HECW2: variants seen among roughly 807,000 people sequenced by gnomAD.
HECW2 encodes the protein HECT, C2 and WW domain containing E3 ubiquitin protein ligase 2.
A neutral mutation model predicts 175.2 loss-of-function variants in HECW2; 61 were observed. The ratio of observed to expected loss-of-function variants is 0.35; its 90% CI spans 0.28 to 0.43. The LOEUF (loss-of-function observed/expected upper bound fraction) is 0.43, where lower values mean the gene tolerates loss of function less well. Ranked by LOEUF, HECW2 falls within the 20% of genes least tolerant of loss-of-function variation. HECW2 has a pLI of 1.00. For missense variants in HECW2, 1,524 were observed against 2,000.5 expected (o/e 0.76, Z 4.54); for synonymous variants, 671 against 731.0 (o/e 0.92, Z 1.32).
At position 196,384,016 on chromosome 2, in the gene HECW2, G is replaced by C. The variant is rs552626207; in HGVS notation, c.293-40252C>G. ...AACAGGTTACTGAGGGTTAGATGAG[G>C]TGAGCAACTAGCTTAGTGCCTGCTC... On this transcript the variant is annotated intron_variant, in intron 2 of 28. Coordinates refer to ENST00000644978, the MANE Select transcript of HECW2 (RefSeq NM_001348768.2). Among the ~76,000 whole-genome samples the C allele has an allele frequency of 5.9e-4, 90 of 152,288 alleles. 2 individuals are homozygous for C. In the South Asian group the frequency reaches 0.018, roughly 31 times the overall value.
intron 2 of HECW2, among the ~76,000 whole-genome samples, chr2:196,404,314 T>C (rs1240624630): frequency 6.6e-6 from 1 of 152,206 alleles, no homozygotes; most frequent in Admixed American, 6.5e-5. Flanking sequence ...GCATTAGTCA[T>C]GCCTCTCTCT....
intron 21 of HECW2, chr2:196,240,138 G>GT (rs921118228): frequency 5.6e-5 from 11 of 197,188 alleles, no homozygotes; most frequent in East Asian, 5.0e-4. Context: ...GCAATTCCTT[G>GT]TTTTTTTTCC....
chr2:196,240,666 T>TAAGAAG (rs1559457587), intron 20 of HECW2, 104 bp from the exon 21 acceptor site: 3 of 1,117,864 alleles, frequency 2.7e-6, no homozygotes, highest in Non-Finnish European at 3.6e-6. Flanking sequence ...ATTAACTAGG[T>TAAGAAG]AAGAAGAATG....
At chr2:196,410,355 G>A (rs1055699599) in intron 2 of HECW2, among the ~76,000 whole-genome samples, 1 of 152,212 alleles carries the variant, frequency 6.6e-6, no homozygotes, top group African/African-American at 2.4e-5. Context: ...TTGTAAGTGT[G>A]TTGGAGCCAG....
At chr2:196,326,786 G>C (rs1692169322) in intron 5 of HECW2, among the ~76,000 whole-genome samples, 1 of 152,104 alleles carries the variant, frequency 6.6e-6, no homozygotes, top group Non-Finnish European at 1.5e-5. Context: ...CTGAAAACCA[G>C]TAGGAGAAGG....
Position 196,369,684 on chromosome 2 carries a change from G to A in HECW2, c.293-25920C>T, listed in dbSNP as rs918452148. 2.5e-4 allele frequency among the ~76,000 whole-genome samples: 38 copies of A among 152,178 alleles called. 1 individual carries two copies. The highest frequency in any genetic ancestry group is 2.5e-4 in the Non-Finnish European group (17 of 68,000). On this transcript the variant is annotated intron_variant, in intron 2 of 28. Coordinates refer to ENST00000644978, the MANE Select transcript of HECW2 (RefSeq NM_001348768.2). ...CCAGGGCCTAGAGTAGGAAACCTTAGGAATATACTTGATGTTCTATTCCAC... is the reference window on the plus strand; with the variant it reads ...CCAGGGCCTAGAGTAGGAAACCTTAAGAATATACTTGATGTTCTATTCCAC...
intron 1 of HECW2, among the ~76,000 whole-genome samples, chr2:196,519,444 C>T (rs918117800): frequency 3.3e-5 from 5 of 152,068 alleles, no homozygotes; most frequent in East Asian, 1.9e-4. Flanking sequence ...CATGGTAACC[C>T]GTCTATGTTC....
chr2:196,486,570 G>A (rs1379996757), intron 1 of HECW2, among the ~76,000 whole-genome samples: 2 of 152,210 alleles, frequency 1.3e-5, no homozygotes, highest in Non-Finnish European at 2.9e-5. Flanking sequence ...CCTCCTCTAT[G>A]GGCCCGGGGT....
At chr2:196,549,873 A>T (rs1689552038) in intron 1 of HECW2, among the ~76,000 whole-genome samples, 1 of 152,212 alleles carries the variant, frequency 6.6e-6, no homozygotes, top group South Asian at 2.1e-4. Context: ...TAATATTCTA[A>T]ACTGAACTGG....
chr2:196,254,421 T>TA (rs1288647696), intron 18 of HECW2, among the ~76,000 whole-genome samples: 8 of 152,164 alleles, frequency 5.3e-5, no homozygotes, highest in African/African-American at 1.9e-4. Context: ...TTCCAAGAAA[T>TA]AAACAATAGG....
chr2:196,331,016 C>T (rs1004161859), intron 4 of HECW2: 1 of 273,958 alleles, frequency 3.7e-6, no homozygotes, highest in African/African-American at 2.3e-5. Context: ...GAGATAAAAG[C>T]CATCACTAAT....
chr2:196,494,457 A>T (rs1480410059), intron 1 of HECW2, among the ~76,000 whole-genome samples: 1 of 152,170 alleles, frequency 6.6e-6, no homozygotes, highest in Non-Finnish European at 1.5e-5. Flanking sequence ...CAAGGGGTAG[A>T]ATTTCCAGAC....
intron 2 of HECW2, among the ~76,000 whole-genome samples, chr2:196,412,619 C>G (rs915984653): frequency 2.0e-5 from 3 of 152,160 alleles, no homozygotes; most frequent in Non-Finnish European, 2.9e-5. Flanking sequence ...GGCCAGGAAG[C>G]CTTTAGAGCA....
chr2:196,323,508 G>A (rs1692025528), intron 6 of HECW2, among the ~76,000 whole-genome samples: 1 of 152,146 alleles, frequency 6.6e-6, no homozygotes, highest in Admixed American at 6.5e-5. Flanking sequence ...TTTCACTTAG[G>A]TGCCTCTAGG....
chr2:196,243,589 C>T (rs1215593887), intron 19 of HECW2, among the ~76,000 whole-genome samples: 3 of 148,650 alleles, frequency 2.0e-5, no homozygotes, highest in Non-Finnish European at 4.5e-5. Context: ...TTTCTCTTTC[C>T]TTTTTTTTGA....
chr2:196,571,021 AAT>A (rs1282578697), intron 1 of HECW2, among the ~76,000 whole-genome samples: 2 of 152,194 alleles, frequency 1.3e-5, no homozygotes, highest in African/African-American at 4.8e-5. Flanking sequence ...TCTTTCCCTA[AAT>A]ATATTTCCCC....
At position 196,215,883 on chromosome 2, in the gene HECW2, T is replaced by G; in HGVS notation, c.4589A>C (p.Lys1530Thr). 6.2e-7 allele frequency: 1 copy of G among 1,611,848 alleles called. No homozygotes were observed. Among genetic ancestry groups the G allele is most frequent in the Non-Finnish European group, 8.5e-7 (1 of 1,177,932 alleles). The stretch of plus-strand genomic sequence containing the variant: ...ATTTTACCTGGGAAGAGCAGTGATT[T>G]TCCCCCATTTCTCCACACAGAATCT... ...PRRFCVEKWG[K>T]ITALPRAHTC... Residue 1530 changes from lysine (K) to threonine (T), a missense_variant, in exon 28 of 29, where the codon AAA becomes ACA. Physicochemically the swap from Lys to Thr is moderately conservative, Grantham distance 78. Transcript: ENST00000644978.
At chr2:196,521,082 C>T (rs1303218081) in intron 1 of HECW2, among the ~76,000 whole-genome samples, 1 of 151,990 alleles carries the variant, frequency 6.6e-6, no homozygotes, top group African/African-American at 2.4e-5. Flanking sequence ...TCACAACAAG[C>T]TAACGTAGTA....
intron 13 of HECW2, among the ~76,000 whole-genome samples, chr2:196,292,970 G>C (rs1430070832): frequency 1.3e-5 from 2 of 151,776 alleles, no homozygotes; most frequent in African/African-American, 4.8e-5. Context: ...ATCCACAGCT[G>C]GTGTCTAGTT....
Sources: allele counts gnomAD v4.1 joint callset (sites outside exome capture counted in the v4.1 genomes callset), GRCh38; gene constraint gnomAD v4.1.1; transcripts MANE v1.5; gene names NCBI Gene and HGNC (gene_info 2026-07-23, HGNC 2026-07-21).